LIMS2: variants seen among roughly 807,000 people sequenced by gnomAD.
The protein encoded by LIMS2 is LIM zinc finger domain containing 2.
In LIMS2, 30 loss-of-function variants were observed where a neutral mutation model predicts 45.3. That is an observed-to-expected ratio of 0.66 (90% CI 0.50 to 0.90). The LOEUF (loss-of-function observed/expected upper bound fraction) is 0.90. Ranked by LOEUF, LIMS2 falls within the 40% of genes least tolerant of loss-of-function variation. The pLI, the probability that LIMS2 is intolerant of heterozygous loss-of-function variation, is 0.00. For synonymous variants in LIMS2, 173 were observed against 188.0 expected (o/e 0.92, Z 0.65); for missense variants, 485 against 468.7 (o/e 1.03, Z -0.32).
Position 127,640,303 on chromosome 2 carries a change from A to T in LIMS2, c.769T>A (p.Cys257Ser). ...TCAATCACATGGCTGCAGTTGTAGC[A>T]GACGTCCCCGAAGAGCTGTGGGCCG... is the stretch of plus-strand genomic sequence containing the variant. ...THYNQLFGDV[C>S]YNCSHVIEGD... is the part of the protein sequence containing the mutation. The change falls in exon 8 of 10, where the codon TGC (cysteine) becomes AGC (serine). Residue 257 changes from cysteine to serine, a missense_variant. Physicochemically the swap from Cys to Ser is moderately radical, Grantham distance 112. Transcript: ENST00000355119. 1 of 1,613,088 alleles carries T rather than the reference A, an allele frequency of 6.2e-7. No individual in the cohort carries two copies. The highest frequency in any genetic ancestry group is 8.5e-7 in the Non-Finnish European group (1 of 1,179,954).
chr2:127,646,103 T>G (rs1418029085), intron 4 of LIMS2: 1 of 152,288 alleles, frequency 6.6e-6, no homozygotes, highest in Non-Finnish European at 1.5e-5. Context: ...CCAGAGGGGC[T>G]GTGGTCTCCC....
rs1382282117 is a variant in LIMS2 at position 127,640,115 on chromosome 2, A to T, written c.833T>A (p.Val278Glu). Residue 278 changes from valine (V) to glutamate (E), a missense_variant, in exon 9 of 10, where the codon GTG (valine) becomes GAG (glutamate). Physicochemically the swap from Val to Glu is moderately radical, Grantham distance 121. Coordinates refer to ENST00000355119, the MANE Select transcript of LIMS2 (RefSeq NM_001161403.3). ...VVSALNKAWC[V>E]SCFSCSTCNS... is the part of the protein sequence containing the mutation. ...GCAGGTGGAGCAGGAGAAGCAGCTCACACACCAGGCCTTGTTGAGGGCCGA... is the reference window on the plus strand; with the variant it reads ...GCAGGTGGAGCAGGAGAAGCAGCTCTCACACCAGGCCTTGTTGAGGGCCGA... The T allele has an allele frequency of 3.1e-6, 5 of 1,613,440 alleles. No homozygotes were observed. The highest frequency in any genetic ancestry group is 4.2e-6 in the Non-Finnish European group (5 of 1,179,940).
In LIMS2 at chr2:127,639,144, A is replaced by T. The variant is rs1682128478; in HGVS notation, c.*137T>A. 1.1e-6 allele frequency: 1 copy of T among 895,832 alleles called. No homozygotes were observed. The highest frequency in any genetic ancestry group is 1.7e-6 in the Non-Finnish European group (1 of 592,668). 55.5% of individuals were successfully genotyped at this position (895,832 alleles called of 1,614,324 possible). ...GGGAAGGCAGAGATGAGGGAACAGGAAGGGAGAAGGCAATGAGGAAAGAGA... is the reference window on the plus strand; with the variant it reads ...GGGAAGGCAGAGATGAGGGAACAGGTAGGGAGAAGGCAATGAGGAAAGAGA... On this transcript the variant is annotated 3_prime_UTR_variant, in exon 10 of 10. Coordinates refer to ENST00000355119, the MANE Select transcript of LIMS2 (RefSeq NM_001161403.3).
Position 127,668,681 on chromosome 2 carries a change from A to C in LIMS2, c.11+6333T>G, listed in dbSNP as rs1408147313. On this transcript the variant is annotated intron_variant, in intron 1 of 9. Coordinates refer to ENST00000355119, the MANE Select transcript of LIMS2 (RefSeq NM_001161403.3). ...GAGACTCCGTCTCAAAAAAAAAAAAAAAAAAAAAAAAAAAAAAAAAAAAAA... is the reference window on the plus strand; with the variant it reads ...GAGACTCCGTCTCAAAAAAAAAAAACAAAAAAAAAAAAAAAAAAAAAAAAA... 4.5e-5 allele frequency among the ~76,000 whole-genome samples: 5 copies of C among 110,920 alleles called. 1 individual carries two copies. Among genetic ancestry groups the C allele is most frequent in the African/African-American group, 7.3e-5 (2 of 27,496 alleles). 72.8% of individuals were successfully genotyped at this position (110,920 alleles called of 152,430 possible). A position where few individuals can be genotyped will look rare whatever the true frequency, so the allele number is the denominator to read the frequency against.
chr2:127,651,298 A>C, intron 4 of LIMS2: 1 of 1,608,762 alleles, frequency 6.2e-7, no homozygotes, highest in Non-Finnish European at 8.5e-7. Flanking sequence ...TACCGGGAGA[A>C]GGCCTCCCAC....
intron 4 of LIMS2, among the ~76,000 whole-genome samples, chr2:127,645,401 C>T (rs969137548): frequency 1.3e-5 from 2 of 152,194 alleles, no homozygotes; most frequent in African/African-American, 4.8e-5. Context: ...GAGAAATGAA[C>T]TTTGTTCACT....
At chr2:127,651,181 A>G in intron 4 of LIMS2, 1 of 1,611,948 alleles carries the variant, frequency 6.2e-7, no homozygotes, top group Non-Finnish European at 8.5e-7. Context: ...CTCTACGCAC[A>G]CCTGGCCTGT....
In LIMS2 at chr2:127,671,174, G is replaced by A. The variant is rs1685254759; in HGVS notation, c.11+3840C>T. On this transcript the variant is annotated intron_variant, in intron 1 of 9. Coordinates refer to ENST00000355119, the MANE Select transcript of LIMS2 (RefSeq NM_001161403.3). This position sits in a 1 kb window ranked among gnomAD's most constrained non-coding sequence, Gnocchi z 4.1. ...AGGCTGGGCACGGTTGTTCACGCCTGTAATCACAGCACTTTGGGAGGCCAA... is the reference window on the plus strand; with the variant it reads ...AGGCTGGGCACGGTTGTTCACGCCTATAATCACAGCACTTTGGGAGGCCAA... Among the ~76,000 whole-genome samples the A allele has an allele frequency of 6.6e-6, 1 of 152,166 alleles. No homozygotes were observed. The highest frequency in any genetic ancestry group is 1.5e-5 in the Non-Finnish European group (1 of 68,024).
Position 127,640,917 on chromosome 2 carries a change from G to A in LIMS2, c.732C>T (p.Tyr244=), listed in dbSNP as rs1351244336. The change falls in exon 7 of 10, where the codon TAC becomes TAT. Residue 244 remains tyrosine (Y), a synonymous_variant. Coordinates refer to ENST00000355119, the MANE Select transcript of LIMS2 (RefSeq NM_001161403.3). ...HRHYEKKGLA[Y]CETHYNQLFG... ...TCACCTGGTTGTAGTGAGTCTCGCA[G>A]TAGGCCAGGCCCTTCTTCTCATAGT... The A allele has an allele frequency of 6.2e-7, 1 of 1,613,758 alleles. No homozygotes were observed. Among genetic ancestry groups the A allele is most frequent in the Non-Finnish European group, 8.5e-7 (1 of 1,179,934 alleles).
rs1349371043 is a variant in LIMS2 at position 127,642,289 on chromosome 2, G to A, written c.510-90C>T. On this transcript the variant is annotated intron_variant, in intron 5 of 9. Coordinates refer to ENST00000355119, the MANE Select transcript of LIMS2 (RefSeq NM_001161403.3). This position sits in a 1 kb window ranked among gnomAD's most constrained non-coding sequence, Gnocchi z 5.3. Reference sequence around the variant, plus strand: ...CCTCCACCCCAGGGCACGGCTCCCCGAGGGGCCCATTCTGTCCCTGCAGAG... The same window carrying A: ...CCTCCACCCCAGGGCACGGCTCCCCAAGGGGCCCATTCTGTCCCTGCAGAG... The A allele has an allele frequency of 3.6e-6, 5 of 1,381,236 alleles. No individual in the cohort carries two copies. Among genetic ancestry groups the A allele is most frequent in the African/African-American group, 2.9e-5 (2 of 68,352 alleles). The allele number at this position is 1,381,236 out of a possible 1,614,324, so 85.6% of individuals were successfully genotyped here.
chr2:127,651,471 G>C, intron 4 of LIMS2: 1 of 1,612,828 alleles, frequency 6.2e-7, no homozygotes, highest in Non-Finnish European at 8.5e-7. Flanking sequence ...CATCTTCCTG[G>C]TCTGCTTCGT....
chr2:127,663,951 T>G (rs1012312209), intron 1 of LIMS2, among the ~76,000 whole-genome samples: 28 of 152,060 alleles, frequency 1.8e-4, no homozygotes, highest in Admixed American at 6.5e-4. Flanking sequence ...CATAGCCATG[T>G]TTGGGGTGGG....
chr2:127,642,673 A>C lies in LIMS2; in HGVS notation c.509+250T>G. 3.8e-6 allele frequency: 2 copies of C among 528,444 alleles called. No individual in the cohort carries two copies. The highest frequency in any genetic ancestry group is 6.8e-6 in the Non-Finnish European group (2 of 295,084). 32.7% of individuals were successfully genotyped at this position (528,444 alleles called of 1,614,324 possible). On this transcript the variant is annotated intron_variant, in intron 5 of 9. Coordinates refer to ENST00000355119, the MANE Select transcript of LIMS2 (RefSeq NM_001161403.3). This position sits in a 1 kb window ranked among gnomAD's most constrained non-coding sequence, Gnocchi z 5.3. The stretch of plus-strand genomic sequence containing the variant: ...ACCCTCGTCTGCAGTCTAGGGGTCC[A>C]GCCCACCCGCCTCCTGAGTCTCAAG...
chr2:127,642,296 C>T lies in LIMS2; in HGVS notation c.510-97G>A, dbSNP rs1397920716. On this transcript the variant is annotated intron_variant, in intron 5 of 9. Transcript: ENST00000355119. The surrounding 1 kb of genome is among the most constrained non-coding windows in gnomAD (Gnocchi z 5.3). ...CCCAGGGCACGGCTCCCCGAGGGGC[C>T]CATTCTGTCCCTGCAGAGCCGAGGC... The T allele has an allele frequency of 7.4e-7, 1 of 1,342,534 alleles. No homozygotes were observed. The highest frequency in any genetic ancestry group is 1.5e-5 in the African/African-American group (1 of 67,550). The allele number at this position is 1,342,534 out of a possible 1,614,324, so 83.2% of individuals were successfully genotyped here.
Position 127,653,144 on chromosome 2 carries a change from G to A in LIMS2, c.359+1280C>T, listed in dbSNP as rs2463757. On this transcript the variant is annotated intron_variant, in intron 4 of 9. Coordinates refer to ENST00000355119, the MANE Select transcript of LIMS2 (RefSeq NM_001161403.3). The surrounding 1 kb of genome is among the most constrained non-coding windows in gnomAD (Gnocchi z 5.3). ...CAGCTCCGAGGACAGTGGGCCGGAC[G>A]CCAGGCCCCAGGCCACGTGCCTCTC... Among the ~76,000 whole-genome samples the A allele has an allele frequency of 1, 151,986 of 152,294 alleles. 75,841 individuals are homozygous for A. The highest frequency in any genetic ancestry group is 1 in the Middle Eastern group (294 of 294).
Position 127,664,401 on chromosome 2 carries a change from C to T in LIMS2, c.12-6839G>A, listed in dbSNP as rs1278607931. 7 of 1,201,702 alleles carry T rather than the reference C, an allele frequency of 5.8e-6. No individual in the cohort carries two copies. Among genetic ancestry groups the T allele is most frequent in the Non-Finnish European group, 7.2e-6 (7 of 968,612 alleles). 74.4% of individuals were successfully genotyped at this position (1,201,702 alleles called of 1,614,324 possible). A position where few individuals can be genotyped will look rare whatever the true frequency, so the allele number is the denominator to read the frequency against. On this transcript the variant is annotated intron_variant, in intron 1 of 9. Transcript: ENST00000355119. The surrounding 1 kb of genome is among the most constrained non-coding windows in gnomAD (Gnocchi z 5.5). ...GCCGGGCCGCCATGGCGCGGGGCAG[C>T]CGCCTTGAGGTCGCGGGCGCGGGCC...
At position 127,664,670 on chromosome 2, in the gene LIMS2, G is replaced by C. The variant is rs1369118645; in HGVS notation, c.12-7108C>G. On this transcript the variant is annotated intron_variant, in intron 1 of 9. Coordinates refer to ENST00000355119, the MANE Select transcript of LIMS2 (RefSeq NM_001161403.3). This position sits in a 1 kb window ranked among gnomAD's most constrained non-coding sequence, Gnocchi z 5.5. ...GGTCCCGCTGGGAGGGGACTGGTCT[G>C]GGAAGGCCCCAGACAGCACTGAGGT... The C allele has an allele frequency of 9.8e-7, 1 of 1,020,648 alleles. No individual in the cohort carries two copies. Among genetic ancestry groups the C allele is most frequent in the African/African-American group, 1.7e-5 (1 of 58,478 alleles). The allele number at this position is 1,020,648 out of a possible 1,614,324, so 63.2% of individuals were successfully genotyped here. A position where few individuals can be genotyped will look rare whatever the true frequency, so the allele number is the denominator to read the frequency against.
At chr2:127,645,431 C>G (rs544849263) in intron 4 of LIMS2, among the ~76,000 whole-genome samples, 2 of 152,214 alleles carry the variant, frequency 1.3e-5, no homozygotes, top group African/African-American at 4.8e-5. Flanking sequence ...AGGCGGCCGC[C>G]GGCAGCATTC....
At chr2:127,681,261 CA>C (rs1470164251) in intron 1 of LIMS2, 2 of 152,568 alleles carry the variant, frequency 1.3e-5, no homozygotes, top group Admixed American at 1.3e-4. Context: ...AGGGGCAGCG[CA>C]GCGATTGGCA....
Sources: allele counts gnomAD v4.1 joint callset (sites outside exome capture counted in the v4.1 genomes callset), GRCh38; gene constraint gnomAD v4.1.1; non-coding constraint Gnocchi (gnomAD v3.1); transcripts MANE v1.5; gene names NCBI Gene and HGNC (gene_info 2026-07-23, HGNC 2026-07-21).